Variants in GRID2 observed in about 807,000 individuals in gnomAD.
GRID2 encodes glutamate receptor ionotropic, delta-2.
Under a neutral mutation model 114.8 loss-of-function variants are expected in GRID2, and 33 were observed. The observed-to-expected ratio is 0.29, with a 90% CI of 0.22 to 0.38. The LOEUF (loss-of-function observed/expected upper bound fraction) is 0.38. GRID2 is among the 10% of genes least tolerant of loss of function. The pLI is 1.00. For missense variants in GRID2, 1,184 were observed against 1,257.7 expected (o/e 0.94, Z 0.89); for synonymous variants, 505 against 449.9 (o/e 1.12, Z -1.55).
At chr4:92,881,597 T>C (rs1746017936) in intron 2 of GRID2, among the ~76,000 whole-genome samples, 2 of 152,234 alleles carry the variant, frequency 1.3e-5, no homozygotes, top group Admixed American at 6.5e-5. Flanking sequence ...CAATAGATCA[T>C]ATGACAGTAT....
intron 8 of GRID2, among the ~76,000 whole-genome samples, chr4:93,349,477 A>G (rs941121062): frequency 6.6e-5 from 10 of 152,222 alleles, no homozygotes; most frequent in Admixed American, 6.6e-4. Flanking sequence ...AATTTTCAGA[A>G]TATTCTCAAA....
intron 2 of GRID2, among the ~76,000 whole-genome samples, chr4:92,907,445 C>T (rs1438351126): frequency 2.0e-5 from 3 of 151,996 alleles, no homozygotes; most frequent in Non-Finnish European, 2.9e-5. Context: ...GATATTCGCT[C>T]TTGTTTCCCA....
chr4:92,485,622 G>A (rs1373825295), intron 1 of GRID2, among the ~76,000 whole-genome samples: 2 of 151,568 alleles, frequency 1.3e-5, no homozygotes, highest in African/African-American at 4.8e-5. Context: ...CCTGTGAGGC[G>A]GAGGTTGCAG....
At chr4:93,359,043 G>A (rs1036594540) in intron 8 of GRID2, among the ~76,000 whole-genome samples, 1 of 152,054 alleles carries the variant, frequency 6.6e-6, no homozygotes, top group Non-Finnish European at 1.5e-5. Context: ...GATCAGGTTT[G>A]ACTCACCTCA....
At chr4:92,487,153 T>C (rs1579450925) in intron 1 of GRID2, among the ~76,000 whole-genome samples, 1 of 152,044 alleles carries the variant, frequency 6.6e-6, no homozygotes, top group Non-Finnish European at 1.5e-5. Flanking sequence ...ATTGCGTTTC[T>C]GATTTATATT....
chr4:92,621,541 T>C (rs62307906), intron 2 of GRID2, among the ~76,000 whole-genome samples: 8,457 of 151,820 alleles, frequency 0.056, 303 homozygotes, highest in East Asian at 0.16. Context: ...TGCATACCTA[T>C]AGTCCCAGCT....
chr4:92,553,262 C>A (rs775297398), intron 1 of GRID2, among the ~76,000 whole-genome samples: 16 of 152,002 alleles, frequency 1.1e-4, no homozygotes, highest in South Asian at 2.1e-4. Context: ...TCATATAATT[C>A]TTTATATGAA....
chr4:92,869,152 T>A (rs1745099926), intron 2 of GRID2, among the ~76,000 whole-genome samples: 2 of 152,194 alleles, frequency 1.3e-5, no homozygotes, highest in Admixed American at 1.3e-4. Context: ...TCTGACAGAT[T>A]AAAAACATTA....
intron 2 of GRID2, among the ~76,000 whole-genome samples, chr4:92,651,984 G>A (rs1263680168): frequency 1.3e-5 from 2 of 152,136 alleles, no homozygotes; most frequent in Non-Finnish European, 2.9e-5. Context: ...GCATGTGTCA[G>A]GAGTGGGGAC....
intron 1 of GRID2, among the ~76,000 whole-genome samples, chr4:92,543,561 A>C (rs1478458957): frequency 6.6e-6 from 1 of 152,170 alleles, no homozygotes; most frequent in Non-Finnish European, 1.5e-5. Flanking sequence ...TTTTGCAAGA[A>C]GCATTTTTAT....
intron 8 of GRID2, among the ~76,000 whole-genome samples, chr4:93,333,484 C>T (rs11936994): frequency 0.25 from 38,552 of 152,080 alleles, 8,204 homozygotes; most frequent in African/African-American, 0.58. Context: ...TTTAAAATCA[C>T]ATGTGGCAAA....
At chr4:92,944,044 A>G (rs2149542067) in intron 2 of GRID2, among the ~76,000 whole-genome samples, 1 of 152,264 alleles carries the variant, frequency 6.6e-6, no homozygotes, top group East Asian at 1.9e-4. Context: ...GACCCACTTG[A>G]GGAGGCAATC....
intron 4 of GRID2, among the ~76,000 whole-genome samples, chr4:93,130,621 G>A (rs558700790): frequency 2.0e-5 from 3 of 152,108 alleles, no homozygotes; most frequent in African/African-American, 7.2e-5. Context: ...CTTAATGGAC[G>A]GATACCTTTG....
chr4:93,325,709 C>A (rs1369952790), intron 8 of GRID2, among the ~76,000 whole-genome samples: 1 of 151,558 alleles, frequency 6.6e-6, no homozygotes, highest in Non-Finnish European at 1.5e-5. Flanking sequence ...CCTCATTTTT[C>A]TTCTTTAAAC....
intron 4 of GRID2, among the ~76,000 whole-genome samples, chr4:93,182,456 C>T (rs921636672): frequency 6.6e-6 from 1 of 152,114 alleles, no homozygotes; most frequent in Non-Finnish European, 1.5e-5. Flanking sequence ...AAATGTATAA[C>T]TGATCAAATT....
At chr4:93,783,686 T>C (rs2110352664) in intron 1 of GRID2, among the ~76,000 whole-genome samples, 1 of 152,276 alleles carries the variant, frequency 6.6e-6, no homozygotes, top group Admixed American at 6.5e-5. Context: ...CTCATGTCCC[T>C]CTTGTATTCT....
intron 8 of GRID2, among the ~76,000 whole-genome samples, chr4:93,374,859 A>G (rs1297514679): frequency 6.6e-6 from 1 of 152,208 alleles, no homozygotes; most frequent in Non-Finnish European, 1.5e-5. Flanking sequence ...TTTATTTTCC[A>G]GTAAATTTTA....
chr4:93,677,542 G>C (rs11930709), intron 14 of GRID2, among the ~76,000 whole-genome samples: 4,610 of 152,148 alleles, frequency 0.03, 106 homozygotes, highest in African/African-American at 0.061. Flanking sequence ...AGTAGGGGCA[G>C]ACTGACACCT....
At chr4:93,714,744 T>C (rs1450204400) in intron 14 of GRID2, among the ~76,000 whole-genome samples, 1 of 152,232 alleles carries the variant, frequency 6.6e-6, no homozygotes. Flanking sequence ...GAAAAGTGTC[T>C]GTCATGTCCT....
Sources: gnomAD v4.1 joint callset for allele counts (sites outside exome capture counted in the v4.1 genomes callset) on GRCh38, gnomAD v4.1.1 for gene constraint, MANE v1.5 for transcripts, NCBI Gene and HGNC (gene_info 2026-07-23, HGNC 2026-07-21) for gene names.